The following MAP2K5 variants were observed in gnomAD, a reference collection of about 807,000 sequenced individuals.
The protein encoded by MAP2K5 is dual specificity mitogen-activated protein kinase kinase 5.
MAP2K5 carries 49 observed loss-of-function variants against 83.1 expected under a neutral mutation model. The ratio of observed to expected loss-of-function variants is 0.59; its 90% confidence interval spans 0.47 to 0.75. The LOEUF (loss-of-function observed/expected upper bound fraction) is 0.75, where lower values mean the gene tolerates loss of function less well. Ranked by LOEUF, MAP2K5 falls within the 30% of genes least tolerant of loss-of-function variation. The pLI is 0.00. For synonymous variants in MAP2K5, 202 were observed against 191.8 expected (o/e 1.05, Z -0.44); for missense variants, 457 against 557.5 (o/e 0.82, Z 1.82).
intron 12 of MAP2K5, among the ~76,000 whole-genome samples, chr15:67,661,282 C>T (rs1330064578): frequency 6.6e-6 from 1 of 152,106 alleles, no homozygotes; most frequent in African/African-American, 2.4e-5. Context: ...TTCTGCCTTT[C>T]CCTGCCACCT....
chr15:67,782,133 T>C lies in MAP2K5; in HGVS notation c.1242+9381T>C, dbSNP rs1229640208. Among the ~76,000 whole-genome samples the C allele has an allele frequency of 6.6e-6, 1 of 152,198 alleles. No homozygotes were observed. Among genetic ancestry groups the C allele is most frequent in the East Asian group, 1.9e-4 (1 of 5,198 alleles). On this transcript the variant is annotated intron_variant, in intron 21 of 21. Coordinates refer to ENST00000178640, the MANE Select transcript of MAP2K5 (RefSeq NM_145160.3). The surrounding 1 kb of genome is among the most constrained non-coding windows in gnomAD (Gnocchi z 4.9). ...TTGTTGTAGCCATCCCTGGTGATGA[T>C]TGGGCCCAGCTGGTAGTAGATAAGA...
intron 5 of MAP2K5, among the ~76,000 whole-genome samples, chr15:67,586,205 A>C (rs2085286757): frequency 6.6e-6 from 1 of 152,194 alleles, no homozygotes; most frequent in African/African-American, 2.4e-5. Flanking sequence ...GTATCTACAA[A>C]GATTTTAGTA....
chr15:67,548,870 G>T, intron 1 of MAP2K5: 1 of 413,978 alleles, frequency 2.4e-6, no homozygotes, highest in Non-Finnish European at 4.0e-6. Flanking sequence ...GACTGCCTAA[G>T]ATAGTCCTCT....
chr15:67,728,456 G>A (rs2089150756), intron 17 of MAP2K5, among the ~76,000 whole-genome samples: 1 of 152,278 alleles, frequency 6.6e-6, no homozygotes, highest in Admixed American at 6.5e-5. Context: ...AAACAAAACA[G>A]TCCATTATAG....
intron 2 of MAP2K5, among the ~76,000 whole-genome samples, chr15:67,553,599 A>C (rs934276750): frequency 1.3e-5 from 2 of 152,220 alleles, no homozygotes; most frequent in Non-Finnish European, 2.9e-5. Context: ...AATCCGAACC[A>C]ATAAATGGAA....
intron 21 of MAP2K5, among the ~76,000 whole-genome samples, chr15:67,800,845 C>T (rs1386227888): frequency 6.6e-6 from 1 of 152,150 alleles, no homozygotes; most frequent in African/African-American, 2.4e-5. Context: ...GCCCTCCTAG[C>T]CCATGCTTGC....
chr15:67,597,134 A>C (rs1240630978), intron 7 of MAP2K5, among the ~76,000 whole-genome samples: 1 of 150,936 alleles, frequency 6.6e-6, no homozygotes, highest in Non-Finnish European at 1.5e-5. Context: ...ACGTCACTGC[A>C]CTCCAGCCTG....
chr15:67,625,174 C>T (rs533940406), intron 8 of MAP2K5, among the ~76,000 whole-genome samples: 1 of 152,196 alleles, frequency 6.6e-6, no homozygotes, highest in African/African-American at 2.4e-5. Flanking sequence ...CATCTATAAC[C>T]TATTGTTACA....
intron 20 of MAP2K5, among the ~76,000 whole-genome samples, chr15:67,771,474 A>T (rs1227996454): frequency 6.6e-6 from 1 of 152,204 alleles, no homozygotes; most frequent in Admixed American, 6.5e-5. Context: ...TAAAAGTTTT[A>T]TGGAGACAGA....
chr15:67,791,338 T>C (rs2090514572), intron 21 of MAP2K5, among the ~76,000 whole-genome samples: 1 of 152,158 alleles, frequency 6.6e-6, no homozygotes, highest in African/African-American at 2.4e-5. Flanking sequence ...GACTCTGACT[T>C]TGTTATGCAG....
chr15:67,639,746 C>T (rs574117628), intron 9 of MAP2K5, among the ~76,000 whole-genome samples: 30 of 152,350 alleles, frequency 2.0e-4, no homozygotes, highest in Non-Finnish European at 2.9e-4. Flanking sequence ...TGTTTGAATC[C>T]TGTGTGTCTT....
Position 67,703,228 on chromosome 15 carries a change from A to G in MAP2K5, c.973-109A>G, listed in dbSNP as rs75908100. ...GTAAAATTGTTTTGTCATCCGTAAA[A>G]TACTATGCAGATGTTGGTGGCTCCT... On this transcript the variant is annotated intron_variant, in intron 15 of 21. Coordinates refer to ENST00000178640, the MANE Select transcript of MAP2K5 (RefSeq NM_145160.3). 2.6e-3 allele frequency: 1,930 copies of G among 744,800 alleles called. 48 individuals carry two copies. In the East Asian group the frequency reaches 0.044, roughly 17 times the overall value. 46.1% of individuals were successfully genotyped at this position (744,800 alleles called of 1,614,324 possible). A position where few individuals can be genotyped will look rare whatever the true frequency, so the allele number is the denominator to read the frequency against.
chr15:67,557,345 C>T (rs2140956404), intron 2 of MAP2K5, among the ~76,000 whole-genome samples: 1 of 152,286 alleles, frequency 6.6e-6, no homozygotes, highest in Admixed American at 6.5e-5. Flanking sequence ...CTGTCTTAAA[C>T]CTATAAAAAC....
At chr15:67,564,760 T>C (rs2084805293) in intron 3 of MAP2K5, among the ~76,000 whole-genome samples, 2 of 152,220 alleles carry the variant, frequency 1.3e-5, no homozygotes, top group Admixed American at 1.3e-4. Context: ...TGTGACATGC[T>C]TATTTTTAGA....
At chr15:67,766,682 T>C (rs2090047889) in intron 19 of MAP2K5, among the ~76,000 whole-genome samples, 1 of 152,250 alleles carries the variant, frequency 6.6e-6, no homozygotes. Flanking sequence ...TTTCACATCC[T>C]GATCAAAACT....
chr15:67,657,012 G>A (rs942888663), intron 11 of MAP2K5, among the ~76,000 whole-genome samples: 3 of 152,144 alleles, frequency 2.0e-5, no homozygotes, highest in African/African-American at 7.2e-5. Flanking sequence ...TAACGGACAT[G>A]AAAAGGACAA....
intron 16 of MAP2K5, chr15:67,718,076 G>C (rs1172483592): frequency 6.6e-6 from 1 of 152,232 alleles, no homozygotes; most frequent in African/African-American, 2.4e-5. Context: ...GGTTAGATTT[G>C]GAGGGCAGTG....
intron 8 of MAP2K5, among the ~76,000 whole-genome samples, chr15:67,612,984 T>C (rs1567309444): frequency 1.6e-5 from 1 of 63,866 alleles, no homozygotes; most frequent in Non-Finnish European, 4.3e-5. Flanking sequence ...GAAGTGTTCA[T>C]TTAGCTGATA....
intron 21 of MAP2K5, among the ~76,000 whole-genome samples, chr15:67,776,448 G>A (rs553500584): frequency 4.5e-4 from 69 of 152,252 alleles, no homozygotes; most frequent in African/African-American, 1.5e-3. Context: ...CATGGCTTAT[G>A]TGGGAAAAAG....
Sources: allele counts gnomAD v4.1 joint callset (sites outside exome capture counted in the v4.1 genomes callset), GRCh38; gene constraint gnomAD v4.1.1; non-coding constraint Gnocchi (gnomAD v3.1); transcripts MANE v1.5; gene names NCBI Gene and HGNC (gene_info 2026-07-23, HGNC 2026-07-21).